MAPK8IP3: variants seen among roughly 807,000 people sequenced by gnomAD.
The protein encoded by MAPK8IP3 is C-Jun-amino-terminal kinase-interacting protein 3.
Under a neutral mutation model 157.8 loss-of-function variants are expected in MAPK8IP3, and 49 were observed. The observed-to-expected ratio is 0.31, with a 90% CI of 0.25 to 0.39. The LOEUF is 0.39. Among genes scored for constraint, MAPK8IP3 ranks in the 10% least tolerant of loss-of-function variants. The pLI, the probability that MAPK8IP3 is intolerant of heterozygous loss-of-function variation, is 1.00. For missense variants in MAPK8IP3, 1,478 were observed against 1,889.4 expected (o/e 0.78, Z 4.04); for synonymous variants, 897 against 777.7 (o/e 1.15, Z -2.55).
At chr16:1,711,625 G>C (rs1001512329) in intron 1 of MAPK8IP3, among the ~76,000 whole-genome samples, 5 of 152,194 alleles carry the variant, frequency 3.3e-5, no homozygotes, top group Non-Finnish European at 7.3e-5. Context: ...CTCCGGACTT[G>C]TTTTCCTTTG....
rs1424670369 is a variant in MAPK8IP3 at position 1,763,642 on chromosome 16, C to T, written c.1899-15C>T. The T allele has an allele frequency of 6.5e-7, 1 of 1,545,070 alleles. No individual in the cohort carries two copies. Among genetic ancestry groups the T allele is most frequent in the Admixed American group, 1.9e-5 (1 of 52,336 alleles). The stretch of plus-strand genomic sequence containing the variant: ...CACCCTGGACAGAGACATCACCCAT[C>T]ATTCTTCCACTCAGCGACTGCACGT... On this transcript the variant is annotated splice_polypyrimidine_tract_variant and intron_variant, in intron 16 of 31. Coordinates refer to ENST00000610761, the MANE Select transcript of MAPK8IP3 (RefSeq NM_001318852.2).
At chr16:1,757,571 C>T (rs1443287883) in intron 8 of MAPK8IP3, among the ~76,000 whole-genome samples, 5 of 152,214 alleles carry the variant, frequency 3.3e-5, no homozygotes, top group Admixed American at 1.3e-4. Flanking sequence ...TCGCCCGCCC[C>T]ACGCTCCCCA....
chr16:1,757,070 C>T (rs1230496348), intron 8 of MAPK8IP3, among the ~76,000 whole-genome samples: 4 of 151,980 alleles, frequency 2.6e-5, no homozygotes, highest in Non-Finnish European at 4.4e-5. Flanking sequence ...ATTGGAATTC[C>T]GATAACAAAC....
In MAPK8IP3 at chr16:1,768,809, C is replaced by G; in HGVS notation, c.3999C>G (p.Ser1333=). The G allele has an allele frequency of 1.2e-6, 2 of 1,612,366 alleles. No homozygotes were observed. Among genetic ancestry groups the G allele is most frequent in the East Asian group, 4.5e-5 (2 of 44,864 alleles). ...GTCACATCATCGTGTGGCAGGTGTC[C>G]TACACCCCCGAGTGAAGCTGCTGCC... is the stretch of plus-strand genomic sequence containing the variant. ...ERSHIIVWQV[S]YTPE The change falls in exon 32 of 32, where the codon TCC becomes TCG. Residue 1333 remains serine (S), a synonymous_variant. Transcript: ENST00000610761.
rs1283288903 is a variant in MAPK8IP3, at chr16:1,706,291, G to C, written c.-49G>C. On this transcript the variant is annotated 5_prime_UTR_variant, in exon 1 of 32. Coordinates refer to ENST00000610761, the MANE Select transcript of MAPK8IP3 (RefSeq NM_001318852.2). This position sits in a 1 kb window ranked among gnomAD's most constrained non-coding sequence, Gnocchi z 5.1. Reference sequence around the variant, plus strand: ...GAACCTGAGGCAGCTGGGGAGGGCCGGGCGCGCCGGCCGGATAGCGAGCCG... The same window carrying C: ...GAACCTGAGGCAGCTGGGGAGGGCCCGGCGCGCCGGCCGGATAGCGAGCCG... The C allele has an allele frequency of 2.7e-6, 4 of 1,483,202 alleles. No individual in the cohort carries two copies. The highest frequency in any genetic ancestry group is 3.6e-6 in the Non-Finnish European group (4 of 1,116,748). 91.9% of individuals were successfully genotyped at this position (1,483,202 alleles called of 1,614,324 possible). A position where few individuals can be genotyped will look rare whatever the true frequency, so the allele number is the denominator to read the frequency against.
chr16:1,764,372 G>A lies in MAPK8IP3; in HGVS notation c.2193G>A (p.Lys731=). ...PNEDDAGNGV[K]PAPGRDPLTC... ...AGGACGACGCTGGGAATGGAGTCAAGCCAGCGCCAGGCCGCGATCCCCTGA... is the reference window on the plus strand; with the variant it reads ...AGGACGACGCTGGGAATGGAGTCAAACCAGCGCCAGGCCGCGATCCCCTGA... The change falls in exon 19 of 32, where the codon AAG becomes AAA. Residue 731 remains lysine, a synonymous_variant. Transcript: ENST00000610761. 1.9e-6 allele frequency: 3 copies of A among 1,589,350 alleles called. No homozygotes were observed. Among genetic ancestry groups the A allele is most frequent in the Non-Finnish European group, 2.6e-6 (3 of 1,169,430 alleles).
intron 5 of MAPK8IP3, 84 bp from the exon 6 acceptor site, chr16:1,746,945 G>A (rs1010056757): frequency 5.4e-6 from 8 of 1,489,200 alleles, no homozygotes; most frequent in East Asian, 2.4e-5. Context: ...GCATTGGTGC[G>A]CGGGGCCTCA....
chr16:1,748,160 A>T, intron 6 of MAPK8IP3, 84 bp from the exon 7 acceptor site: 1 of 999,150 alleles, frequency 1.0e-6, no homozygotes, highest in Non-Finnish European at 1.6e-6. Context: ...AGCCCACCAG[A>T]CTCAGGTTCC....
At chr16:1,727,252 A>G (rs1596584679) in intron 2 of MAPK8IP3, among the ~76,000 whole-genome samples, 2 of 99,670 alleles carry the variant, frequency 2.0e-5, no homozygotes, top group Non-Finnish European at 3.9e-5. Flanking sequence ...GGTCTGTGTG[A>G]CTCTGCTGTG....
At chr16:1,746,133 G>C (rs1378818387) in intron 5 of MAPK8IP3, 1 of 152,244 alleles carries the variant, frequency 6.6e-6, no homozygotes, top group Non-Finnish European at 1.5e-5. Context: ...TGCCTCTGAG[G>C]CCTTGCACTT....
chr16:1,728,986 A>G (rs926593262), intron 2 of MAPK8IP3, 152 bp from the exon 3 acceptor site: 1 of 712,040 alleles, frequency 1.4e-6, no homozygotes. Context: ...AGTCTCCCAG[A>G]CGGCCTTGCA....
intron 4 of MAPK8IP3, among the ~76,000 whole-genome samples, chr16:1,737,876 G>A (rs1159292684): frequency 5.1e-5 from 4 of 77,744 alleles, no homozygotes; most frequent in Admixed American, 1.7e-4. Flanking sequence ...CTGTGTGACC[G>A]TCCGTGTGAG....
rs2040767378 is a variant in MAPK8IP3, at chr16:1,743,005, G to C, written c.603-327G>C. ...CCAGGCGTGGGAGGCTGAGGCAGGA[G>C]AATGGCGTGAACCTGGGAGGTGGAA... On this transcript the variant is annotated intron_variant, in intron 4 of 31. Transcript: ENST00000610761. The surrounding 1 kb of genome is among the most constrained non-coding windows in gnomAD (Gnocchi z 5.6). 1.3e-5 allele frequency among the ~76,000 whole-genome samples: 2 copies of C among 152,094 alleles called. No homozygotes were observed. The highest frequency in any genetic ancestry group is 4.1e-4 in the South Asian group (2 of 4,834).
At chr16:1,727,119 GTCATGTGCTGTGTGCGGCACC>G (rs2038933950) in intron 2 of MAPK8IP3, among the ~76,000 whole-genome samples, 3 of 150,928 alleles carry the variant, frequency 2.0e-5, no homozygotes, top group African/African-American at 7.3e-5. Flanking sequence ...CTGTGTGAGT[GTCATGTGCTGTGTGCGGCACC>G]TGAGTTGTGT....
chr16:1,758,006 C>CCT, intron 8 of MAPK8IP3, 142 bp from the exon 9 acceptor site: 1 of 823,430 alleles, frequency 1.2e-6, no homozygotes, highest in South Asian at 1.6e-5. Flanking sequence ...GAGGCTGCTC[C>CCT]CTCTCTCTCC....
chr16:1,720,002 A>G (rs560287320), intron 1 of MAPK8IP3, among the ~76,000 whole-genome samples: 1 of 152,346 alleles, frequency 6.6e-6, no homozygotes, highest in African/African-American at 2.4e-5. Context: ...GCAGGAAGCC[A>G]GCAGGTGAAT....
intron 11 of MAPK8IP3, 168 bp from the exon 12 acceptor site, chr16:1,760,212 A>C: frequency 1.0e-6 from 1 of 993,882 alleles, no homozygotes; most frequent in Non-Finnish European, 1.5e-6. Flanking sequence ...AGCCTCTAAC[A>C]AGGGTGCTAT....
In MAPK8IP3 at chr16:1,731,254, CA is replaced by C. The variant is rs556254621; in HGVS notation, c.602+1677del. On this transcript the variant is annotated intron_variant, in intron 4 of 31. Transcript: ENST00000610761. Reference sequence around the variant, plus strand: ...TGAGGCAGGAGAATCACCTGAACCCCAGGGGCGGAGGTGGCAGCGAGCCAAG... The same window carrying C: ...TGAGGCAGGAGAATCACCTGAACCCCGGGGCGGAGGTGGCAGCGAGCCAAG... Among the ~76,000 whole-genome samples, 363 of 152,092 alleles carry C rather than the reference CA, an allele frequency of 2.4e-3. 3 individuals are homozygous for C. Among genetic ancestry groups the C allele is most frequent in the Non-Finnish European group, 4.3e-3 (294 of 67,960 alleles).
At position 1,764,388 on chromosome 16, in the gene MAPK8IP3, G is replaced by A. The variant is rs1257983700; in HGVS notation, c.2209G>A (p.Asp737Asn). The A allele has an allele frequency of 1.3e-6, 2 of 1,597,438 alleles. No individual in the cohort carries two copies. The highest frequency in any genetic ancestry group is 1.3e-5 in the African/African-American group (1 of 74,812). The stretch of plus-strand genomic sequence containing the variant: ...TGGAGTCAAGCCAGCGCCAGGCCGC[G>A]ATCCCCTGACCTGCGACCGCGAAGG... ...GNGVKPAPGR[D>N]PLTCDREGDG... Residue 737 changes from aspartate (D) to asparagine (N), a missense_variant, in exon 19 of 32, where the codon GAT (aspartate) becomes AAT (asparagine). By Grantham distance (23) the Asp-to-Asn change is conservative. Transcript: ENST00000610761.
Sources: gnomAD v4.1 joint callset for allele counts (sites outside exome capture counted in the v4.1 genomes callset) on GRCh38, gnomAD v4.1.1 for gene constraint, Gnocchi (gnomAD v3.1) non-coding constraint, MANE v1.5 for transcripts, NCBI Gene and HGNC (gene_info 2026-07-23, HGNC 2026-07-21) for gene names.